COL6A6: variants seen among roughly 807,000 people sequenced by gnomAD.
The protein encoded by COL6A6 is collagen type VI alpha 6 chain.
COL6A6 carries 183 observed loss-of-function variants against 208.6 expected under a neutral mutation model. The ratio of observed to expected loss-of-function variants is 0.88; its 90% CI spans 0.78 to 0.99. COL6A6 has a LOEUF of 0.99. Ranked by LOEUF, COL6A6 falls within the 50% of genes least tolerant of loss-of-function variation. The pLI, the probability that COL6A6 is intolerant of heterozygous loss-of-function variation, is 0.00. For missense variants in COL6A6, 2,816 were observed against 2,815.2 expected, an observed-to-expected ratio of 1.00 and a Z score of -0.01; for synonymous variants, 973 against 1,011.8, an observed-to-expected ratio of 0.96 and a Z score of 0.73.
At chr3:130,536,127 ACTT>A (rs1278578847) in intron 1 of COL6A6, among the ~76,000 whole-genome samples, 2 of 152,106 alleles carry the variant, frequency 1.3e-5, no homozygotes, top group Non-Finnish European at 2.9e-5. Context: ...TATACAGAAA[ACTT>A]CTCCAATAGT....
At chr3:130,675,171 A>G in intron 36 of COL6A6, 31 bp from the exon 37 acceptor site, 2 of 1,380,438 alleles carry the variant, frequency 1.4e-6, no homozygotes, top group Non-Finnish European at 1.9e-6. Flanking sequence ...AATGGCATTT[A>G]TCTTCTATGA....
rs771105891 is a variant in COL6A6 at position 130,608,866 on chromosome 3, A to G, written c.4690-36A>G. The G allele has an allele frequency of 8.3e-6, 13 of 1,558,084 alleles. No homozygotes were observed. In the African/African-American group the frequency reaches 1.8e-4, roughly 22 times the overall value. ...AGGTAAAGGAGACAAAATGTTCAGG[A>G]AACAGTGTTAACAGATTGATTCTTT... On this transcript the variant is annotated intron_variant, in intron 21 of 36. Coordinates refer to ENST00000358511, the MANE Select transcript of COL6A6 (RefSeq NM_001102608.3).
At chr3:130,530,574 A>G (rs886743793) in intron 1 of COL6A6, among the ~76,000 whole-genome samples, 2 of 152,206 alleles carry the variant, frequency 1.3e-5, no homozygotes, top group South Asian at 4.1e-4. Context: ...TTATTCTCTG[A>G]GTTTTATTTC....
intron 20 of COL6A6, among the ~76,000 whole-genome samples, chr3:130,604,256 G>A (rs972710437): frequency 2.6e-5 from 4 of 152,164 alleles, no homozygotes; most frequent in African/African-American, 7.2e-5. Flanking sequence ...CACTTTGGGA[G>A]GCTCAGGCGG....
chr3:130,657,619 T>C (rs2065828901), intron 33 of COL6A6, among the ~76,000 whole-genome samples: 1 of 152,210 alleles, frequency 6.6e-6, no homozygotes, highest in South Asian at 2.1e-4. Context: ...GGTTTTCAGT[T>C]AGTACGTACT....
chr3:130,621,351 G>C (rs1165135092), intron 23 of COL6A6, among the ~76,000 whole-genome samples: 1 of 152,016 alleles, frequency 6.6e-6, no homozygotes, highest in Non-Finnish European at 1.5e-5. Context: ...CATATCTTAT[G>C]AACACTGTTT....
chr3:130,638,717 T>A (rs557502734), intron 28 of COL6A6, among the ~76,000 whole-genome samples: 1 of 152,346 alleles, frequency 6.6e-6, no homozygotes, highest in African/African-American at 2.4e-5. Context: ...TTCCAACAGT[T>A]CTGGGTTGGA....
At chr3:130,607,127 T>C (rs2064206878) in intron 21 of COL6A6, among the ~76,000 whole-genome samples, 161 bp downstream of exon 21, 1 of 152,192 alleles carries the variant, frequency 6.6e-6, no homozygotes, top group East Asian at 1.9e-4. Context: ...AGAGTTCATA[T>C]TTTAAAATGA....
At chr3:130,550,127 G>A (rs902906662) in intron 1 of COL6A6, among the ~76,000 whole-genome samples, 3 of 152,030 alleles carry the variant, frequency 2.0e-5, no homozygotes, top group African/African-American at 7.3e-5. Context: ...TAGTATATAG[G>A]AATGCTACTG....
intron 13 of COL6A6, 125 bp downstream of exon 13, chr3:130,591,219 A>G: frequency 2.6e-6 from 2 of 777,952 alleles, no homozygotes; most frequent in Non-Finnish European, 4.4e-6. Flanking sequence ...AGAATCTCAG[A>G]TCTTCTTTTG....
At chr3:130,561,745 C>T (rs964366467) in intron 2 of COL6A6, among the ~76,000 whole-genome samples, 3 of 145,354 alleles carry the variant, frequency 2.1e-5, no homozygotes, top group Admixed American at 7.2e-5. Context: ...CTCCGCTTCC[C>T]GGGTTCACGC....
intron 19 of COL6A6, among the ~76,000 whole-genome samples, chr3:130,598,639 T>A (rs993508792): frequency 8.5e-5 from 13 of 152,196 alleles, no homozygotes; most frequent in Admixed American, 7.2e-4. Context: ...CCTCTAAATT[T>A]GGGGTGACTT....
Position 130,517,980 on chromosome 3 carries a change from G to C in COL6A6, c.-32+583G>C, listed in dbSNP as rs61063571. On this transcript the variant is annotated intron_variant, in intron 1 of 36. Transcript: ENST00000358511. Reference sequence around the variant, plus strand: ...AATTCCCAGAAACATTCTACTCTGAGCGGAACCCCAATTACCTGGCTCAGT... The same window carrying C: ...AATTCCCAGAAACATTCTACTCTGACCGGAACCCCAATTACCTGGCTCAGT... 0.032 allele frequency among the ~76,000 whole-genome samples: 4,946 copies of C among 152,262 alleles called. 478 individuals are homozygous for C. The East Asian group carries it at 0.34, about 11-fold the overall frequency.
At chr3:130,643,109 C>A in intron 31 of COL6A6, 86 bp downstream of exon 31, 1 of 1,415,002 alleles carries the variant, frequency 7.1e-7, no homozygotes, top group Non-Finnish European at 9.8e-7. Flanking sequence ...ATTGAATTCA[C>A]CAGCCAATTT....
At chr3:130,545,451 C>A (rs1003651302) in intron 1 of COL6A6, among the ~76,000 whole-genome samples, 9 of 74,896 alleles carry the variant, frequency 1.2e-4, no homozygotes, top group African/African-American at 4.9e-4. Flanking sequence ...TGCTTTCAGG[C>A]ATTTTTTTTT....
chr3:130,613,741 A>G (rs2064427913), intron 23 of COL6A6, among the ~76,000 whole-genome samples: 1 of 152,114 alleles, frequency 6.6e-6, no homozygotes, highest in African/African-American at 2.4e-5. Context: ...GGTTAGCTGT[A>G]TTCCTAGATA....
intron 34 of COL6A6, 119 bp from the exon 35 acceptor site, chr3:130,661,518 G>C: frequency 4.0e-6 from 3 of 759,430 alleles, no homozygotes; most frequent in Non-Finnish European, 6.3e-6. Flanking sequence ...TACTATTAAA[G>C]TATTTAGTCA....
At chr3:130,644,482 A>T (rs1239043259) in intron 31 of COL6A6, among the ~76,000 whole-genome samples, 1 of 152,242 alleles carries the variant, frequency 6.6e-6, no homozygotes, top group African/African-American at 2.4e-5. Context: ...GCAAGTGTTC[A>T]TTTAATTCAG....
intron 1 of COL6A6, among the ~76,000 whole-genome samples, chr3:130,542,425 G>T (rs939504846): frequency 6.6e-6 from 1 of 152,002 alleles, no homozygotes; most frequent in Non-Finnish European, 1.5e-5. Context: ...ATTTGTGAAC[G>T]TGTTTTGTGG....
Sources: allele counts gnomAD v4.1 joint callset (sites outside exome capture counted in the v4.1 genomes callset), GRCh38; gene constraint gnomAD v4.1.1; transcripts MANE v1.5; gene names NCBI Gene and HGNC (gene_info 2026-07-23, HGNC 2026-07-21).